The following FUT8 variants were observed in gnomAD, a reference collection of about 807,000 sequenced individuals.
FUT8 encodes fucosyltransferase 8.
A neutral mutation model predicts 71.3 loss-of-function variants in FUT8; 29 were observed. The ratio of observed to expected loss-of-function variants is 0.41; its 90% confidence interval spans 0.30 to 0.55. The LOEUF (loss-of-function observed/expected upper bound fraction) is 0.55. Among genes scored for constraint, FUT8 ranks in the 20% least tolerant of loss-of-function variants. The pLI is 0.34. For missense variants in FUT8, 544 were observed against 702.1 expected (o/e 0.77, Z 2.55); for synonymous variants, 254 against 239.3 (o/e 1.06, Z -0.57).
At chr14:65,449,401 A>G (rs1233421154) in intron 1 of FUT8, among the ~76,000 whole-genome samples, 1 of 152,144 alleles carries the variant, frequency 6.6e-6, no homozygotes, top group Non-Finnish European at 1.5e-5. Context: ...AGTTTTTGTT[A>G]GTATGTATCA....
At position 65,467,910 on chromosome 14, in the gene FUT8, A is replaced by T. The variant is rs2066070124; in HGVS notation, c.-228+12192A>T. 1 of 752,508 alleles carries T rather than the reference A, an allele frequency of 1.3e-6. No homozygotes were observed. Among genetic ancestry groups the T allele is most frequent in the African/African-American group, 1.7e-5 (1 of 58,226 alleles). The allele number at this position is 752,508 out of a possible 1,614,324, so 46.6% of individuals were successfully genotyped here. On this transcript the variant is annotated intron_variant, in intron 2 of 10. Coordinates refer to ENST00000673929, the MANE Select transcript of FUT8 (RefSeq NM_001371533.1). This position sits in a 1 kb window ranked among gnomAD's most constrained non-coding sequence, Gnocchi z 4.1. The stretch of plus-strand genomic sequence containing the variant: ...GGATGGAGCAGGCTGGTGCTTCAGT[A>T]GAACCCGGGTACCTTTCTCTTTGGC...
At position 65,517,455 on chromosome 14, in the gene FUT8, A is replaced by G. The variant is rs377490248; in HGVS notation, c.-227-43882A>G. Among the ~76,000 whole-genome samples, 1,429 of 152,278 alleles carry G rather than the reference A, an allele frequency of 9.4e-3. 16 individuals are homozygous for G. Among genetic ancestry groups the G allele is most frequent in the Non-Finnish European group, 0.016 (1,105 of 68,006 alleles). On this transcript the variant is annotated intron_variant, in intron 2 of 10. Transcript: ENST00000673929. ...TGGTAGCATATGCTTTTTGAAGCTGAAGAGATATCTGAGCTCTGATGCAAA... is the reference window on the plus strand; with the variant it reads ...TGGTAGCATATGCTTTTTGAAGCTGGAGAGATATCTGAGCTCTGATGCAAA...
the FUT8 span, among the ~76,000 whole-genome samples, chr14:65,359,247 C>T: frequency 6.6e-6 from 1 of 152,160 alleles, no homozygotes; most frequent in East Asian, 1.9e-4. Flanking sequence ...CTGGGCTGCC[C>T]CAAGGACACA....
At chr14:65,602,711 T>C (rs1274177634) in intron 3 of FUT8, among the ~76,000 whole-genome samples, 1 of 151,828 alleles carries the variant, frequency 6.6e-6, no homozygotes, top group East Asian at 1.9e-4. Context: ...ACAATGGCCA[T>C]TCTTGTGGGA....
intron 6 of FUT8, among the ~76,000 whole-genome samples, chr14:65,657,513 C>T (rs1012151966): frequency 3.3e-5 from 5 of 152,112 alleles, no homozygotes; most frequent in Non-Finnish European, 5.9e-5. Flanking sequence ...GAGATCCTGT[C>T]ATTAGCAACA....
At chr14:65,635,782 G>C (rs1890517081) in intron 6 of FUT8, among the ~76,000 whole-genome samples, 1 of 152,100 alleles carries the variant, frequency 6.6e-6, no homozygotes, top group African/African-American at 2.4e-5. Flanking sequence ...CAGAGATACT[G>C]GTCTGTAGTT....
chr14:65,721,367 G>C (rs999345619), intron 7 of FUT8, among the ~76,000 whole-genome samples: 7 of 152,138 alleles, frequency 4.6e-5, no homozygotes, highest in Non-Finnish European at 1.0e-4. Flanking sequence ...AGTAATGCAA[G>C]AGCAATTTTG....
chr14:65,609,208 T>C (rs111506243), intron 3 of FUT8, among the ~76,000 whole-genome samples: 12 of 151,054 alleles, frequency 7.9e-5, no homozygotes, highest in African/African-American at 2.9e-4. Context: ...AGCGGAAGAA[T>C]CACTTGAACC....
intron 7 of FUT8, among the ~76,000 whole-genome samples, chr14:65,693,421 C>G (rs1005400130): frequency 6.6e-6 from 1 of 152,168 alleles, no homozygotes; most frequent in Non-Finnish European, 1.5e-5. Context: ...GCAGGAGAAT[C>G]AGGCAGGGAG....
chr14:65,626,433 A>G lies in FUT8; in HGVS notation c.483-3059A>G, dbSNP rs905527662. Reference sequence around the variant, plus strand: ...CTGATTCAGACTTTCTGATTTTTGGATATTTACATTGAGGAGAGGACACAT... The same window carrying G: ...CTGATTCAGACTTTCTGATTTTTGGGTATTTACATTGAGGAGAGGACACAT... On this transcript the variant is annotated intron_variant, in intron 5 of 10. Transcript: ENST00000673929. 3.3e-5 allele frequency among the ~76,000 whole-genome samples: 5 copies of G among 152,138 alleles called. No homozygotes were observed. The South Asian group carries it at 6.2e-4, about 19-fold the overall frequency.
intron 3 of FUT8, among the ~76,000 whole-genome samples, chr14:65,587,035 A>G (rs897525640): frequency 6.6e-6 from 1 of 152,078 alleles, no homozygotes. Context: ...AAAAATACAA[A>G]AAAGTCAGCC....
intron 5 of FUT8, among the ~76,000 whole-genome samples, chr14:65,620,584 T>C (rs916469387): frequency 6.6e-6 from 1 of 152,166 alleles, no homozygotes; most frequent in African/African-American, 2.4e-5. Flanking sequence ...GTTTGGAAGG[T>C]CCAAGAATTG....
intron 1 of FUT8, among the ~76,000 whole-genome samples, chr14:65,431,119 C>T (rs942358606): frequency 4.0e-5 from 6 of 150,306 alleles, no homozygotes; most frequent in East Asian, 2.0e-4. Flanking sequence ...CCTCAGCCTC[C>T]GGAGTAGCTG....
chr14:65,726,341 T>C (rs1298450500), intron 9 of FUT8, among the ~76,000 whole-genome samples: 2 of 152,356 alleles, frequency 1.3e-5, no homozygotes, highest in East Asian at 3.9e-4. Context: ...TTAGTTCATT[T>C]TCACACTGCT....
intron 7 of FUT8, among the ~76,000 whole-genome samples, chr14:65,697,228 A>G (rs1437693632): frequency 2.0e-5 from 3 of 152,174 alleles, no homozygotes; most frequent in East Asian, 1.9e-4. Context: ...AGCCATAGCT[A>G]TGGTATCAGA....
At chr14:65,414,354 A>G (rs927435676) in intron 1 of FUT8, among the ~76,000 whole-genome samples, 1 of 152,116 alleles carries the variant, frequency 6.6e-6, no homozygotes, top group Non-Finnish European at 1.5e-5. Flanking sequence ...TTTATGACTA[A>G]TTCTTTAAAT....
chr14:65,427,380 A>G (rs1419038113), intron 1 of FUT8, among the ~76,000 whole-genome samples: 2 of 152,236 alleles, frequency 1.3e-5, no homozygotes, highest in African/African-American at 2.4e-5. Flanking sequence ...CTGTTCTTTT[A>G]TAATGGCTGT....
At chr14:65,438,369 A>G (rs1399030469) in intron 1 of FUT8, among the ~76,000 whole-genome samples, 1 of 152,154 alleles carries the variant, frequency 6.6e-6, no homozygotes, top group Non-Finnish European at 1.5e-5. Context: ...AAATTTCTGA[A>G]GTTCTCTTGT....
intron 2 of FUT8, among the ~76,000 whole-genome samples, chr14:65,528,589 G>C (rs1304424508): frequency 6.6e-6 from 1 of 152,186 alleles, no homozygotes; most frequent in African/African-American, 2.4e-5. Context: ...CCAGTGAGAT[G>C]AACCTGGTAC....
Sources: gnomAD v4.1 joint callset for allele counts (sites outside exome capture counted in the v4.1 genomes callset) on GRCh38, gnomAD v4.1.1 for gene constraint, Gnocchi (gnomAD v3.1) non-coding constraint, MANE v1.5 for transcripts, NCBI Gene and HGNC (gene_info 2026-07-23, HGNC 2026-07-21) for gene names.